RP1: variants seen among roughly 807,000 people sequenced by gnomAD.
RP1 encodes the protein oxygen-regulated protein 1.
Under a neutral mutation model 14.8 loss-of-function variants are expected in RP1, and 16 were observed. The observed-to-expected ratio is 1.08, with a 90% CI of 0.73 to 1.65. The LOEUF is 1.65. RP1 is among the 40% of genes most tolerant of loss of function. The probability of loss-of-function intolerance (pLI) is 0.00; values close to 1 mark genes in which losing one functional copy is unlikely to be tolerated. For missense variants in RP1, 2,631 were observed against 2,535.0 expected (o/e 1.04, Z -0.81); for synonymous variants, 876 against 883.6 (o/e 0.99, Z 0.15).
At chr8:54,688,427 A>G (rs192515597) in intron 12 of RP1, among the ~76,000 whole-genome samples, 273 of 152,272 alleles carry the variant, frequency 1.8e-3, no homozygotes, top group East Asian at 6.2e-3. Flanking sequence ...GTTTTCTTCT[A>G]GGGTTTTTAT....
chr8:54,668,214 A>G (rs1408254484), intron 7 of RP1, among the ~76,000 whole-genome samples: 1 of 152,194 alleles, frequency 6.6e-6, no homozygotes, highest in Non-Finnish European at 1.5e-5. Context: ...AATCACAAGC[A>G]TTCCTATACA....
chr8:54,829,287 G>C (rs1468017590), intron 24 of RP1, among the ~76,000 whole-genome samples: 3 of 152,092 alleles, frequency 2.0e-5, no homozygotes, highest in African/African-American at 7.2e-5. Context: ...TCTGCTTCCT[G>C]CCAATGGCTA....
intron 24 of RP1, among the ~76,000 whole-genome samples, chr8:54,792,297 A>G (rs1810482215): frequency 6.6e-6 from 1 of 151,968 alleles, no homozygotes; most frequent in Non-Finnish European, 1.5e-5. Context: ...TCAATGACGG[A>G]TAGATCATCC....
At chr8:54,621,945 T>G (rs545991242) in intron 2 of RP1, among the ~76,000 whole-genome samples, 172 bp from the exon 3 acceptor site, 1 of 152,274 alleles carries the variant, frequency 6.6e-6, no homozygotes, top group South Asian at 2.1e-4. Context: ...CACCCAACCT[T>G]GACATTTGGT....
chr8:54,572,541 G>A (rs1563315270), intron 1 of RP1, among the ~76,000 whole-genome samples: 1 of 152,166 alleles, frequency 6.6e-6, no homozygotes, highest in Admixed American at 6.5e-5. Flanking sequence ...AACCTTCCTT[G>A]GATTATGTGG....
chr8:54,763,541 A>G (rs1812506), intron 22 of RP1, among the ~76,000 whole-genome samples: 65,481 of 152,036 alleles, frequency 0.43, 15,445 homozygotes, highest in African/African-American at 0.63. Flanking sequence ...TTAGCCGGGC[A>G]TGGTGGTGCA....
At chr8:54,814,780 G>A (rs1253098878) in intron 24 of RP1, among the ~76,000 whole-genome samples, 2 of 152,102 alleles carry the variant, frequency 1.3e-5, no homozygotes, top group Non-Finnish European at 2.9e-5. Flanking sequence ...AGTGCCCATG[G>A]GCTCATTAAA....
intron 7 of RP1, among the ~76,000 whole-genome samples, chr8:54,669,491 T>G (rs182941583): frequency 4.4e-4 from 67 of 152,276 alleles, no homozygotes; most frequent in Middle Eastern, 3.4e-3. Context: ...GATCTAGAAC[T>G]AGAAATACCA....
At chr8:54,634,874 G>A (rs1466701820), downstream of RP1, among the ~76,000 whole-genome samples, 1 of 152,158 alleles carries the variant, frequency 6.6e-6, no homozygotes, top group Non-Finnish European at 1.5e-5. Flanking sequence ...GAGGTCAAGA[G>A]ATCGAGACCA....
intron 27 of RP1, among the ~76,000 whole-genome samples, chr8:54,865,067 T>C (rs1812428909): frequency 1.3e-5 from 2 of 152,152 alleles, no homozygotes; most frequent in Admixed American, 1.3e-4. Flanking sequence ...CTACATCTGA[T>C]TTTAAATTTA....
intron 1 of RP1, among the ~76,000 whole-genome samples, chr8:54,584,568 G>A (rs1222304395): frequency 1.3e-5 from 2 of 152,172 alleles, no homozygotes; most frequent in African/African-American, 4.8e-5. Flanking sequence ...TTAACTTTCT[G>A]TCTAGTTGAT....
chr8:54,802,827 G>A (rs898568317), intron 24 of RP1, among the ~76,000 whole-genome samples: 1 of 152,118 alleles, frequency 6.6e-6, no homozygotes, highest in Non-Finnish European at 1.5e-5. Flanking sequence ...AAGCTTTATG[G>A]GCTCAGAGAA....
intron 24 of RP1, among the ~76,000 whole-genome samples, chr8:54,786,042 TA>T (rs1027361594): frequency 1.3e-5 from 2 of 152,020 alleles, no homozygotes; most frequent in African/African-American, 4.8e-5. Context: ...AGATAACAAA[TA>T]AAAAAATATG....
chr8:54,699,419 G>T, intron 12 of RP1: 1 of 945,598 alleles, frequency 1.1e-6, no homozygotes, highest in Non-Finnish European at 1.4e-6. Flanking sequence ...AATGAAAAAA[G>T]TTTTAAAAGC....
chr8:54,835,600 T>TA (rs59148771), intron 24 of RP1, among the ~76,000 whole-genome samples: 1 of 151,786 alleles, frequency 6.6e-6, no homozygotes, highest in African/African-American at 2.4e-5. Flanking sequence ...TTCTGACTCA[T>TA]AAAAAAAATA....
At chr8:54,815,728 A>C (rs1046441041) in intron 24 of RP1, among the ~76,000 whole-genome samples, 2 of 152,116 alleles carry the variant, frequency 1.3e-5, no homozygotes, top group South Asian at 4.2e-4. Context: ...GTGCAGAGAG[A>C]GAGAATGCTG....
chr8:54,773,631 T>C (rs1245190760), downstream of RP1, among the ~76,000 whole-genome samples: 3 of 152,092 alleles, frequency 2.0e-5, no homozygotes, highest in Non-Finnish European at 4.4e-5. Context: ...ATCAAGACCC[T>C]GTCTCAAAAA....
At chr8:54,610,536 A>G (rs751312362) in intron 1 of RP1, among the ~76,000 whole-genome samples, 3 of 152,060 alleles carry the variant, frequency 2.0e-5, no homozygotes, top group Admixed American at 2.0e-4. Flanking sequence ...CCTACTTGAT[A>G]TTTCTATTTG....
At chr8:54,660,053 G>A (rs1806852023) in intron 6 of RP1, among the ~76,000 whole-genome samples, 1 of 152,036 alleles carries the variant, frequency 6.6e-6, no homozygotes, top group Non-Finnish European at 1.5e-5. Context: ...CTTTTTGAGT[G>A]TTGATTTTGT....
Sources: allele counts gnomAD v4.1 joint callset (sites outside exome capture counted in the v4.1 genomes callset), GRCh38; gene constraint gnomAD v4.1.1; transcripts MANE v1.5; gene names NCBI Gene and HGNC (gene_info 2026-07-23, HGNC 2026-07-21).